The following SLC41A2 variants were observed in gnomAD, a reference collection of about 807,000 sequenced individuals.
The protein encoded by SLC41A2 is solute carrier family 41 member 2.
In SLC41A2, 32 loss-of-function variants were observed where a neutral mutation model predicts 58.3. That is an observed-to-expected ratio of 0.55 (90% CI 0.41 to 0.74). The LOEUF (loss-of-function observed/expected upper bound fraction) is 0.74. SLC41A2 is among the 30% of genes least tolerant of loss of function. The pLI, the probability that SLC41A2 is intolerant of heterozygous loss-of-function variation, is 0.00. For missense variants in SLC41A2, 514 were observed against 680.6 expected, an observed-to-expected ratio of 0.76 and a Z score of 2.72; for synonymous variants, 190 against 235.0, an observed-to-expected ratio of 0.81 and a Z score of 1.75.
intron 6 of SLC41A2, among the ~76,000 whole-genome samples, chr12:104,880,170 C>G (rs1167675275): frequency 2.0e-5 from 3 of 152,058 alleles, no homozygotes; most frequent in Non-Finnish European, 2.9e-5. Flanking sequence ...GATTTTGTAT[C>G]CTGAGACTTT....
chr12:104,877,232 G>A (rs1327640534), intron 6 of SLC41A2, among the ~76,000 whole-genome samples: 1 of 152,118 alleles, frequency 6.6e-6, no homozygotes, highest in African/African-American at 2.4e-5. Flanking sequence ...ATTTAAATGT[G>A]CCTGTTCCTA....
Position 104,813,635 on chromosome 12 carries a change from TTTTTG to T in SLC41A2, c.1537-8303_1537-8299del, listed in dbSNP as rs577064868. ...TATATCCATATAAATACAAATGGGT[TTTTTG>T]TTTTGTTTTGTTTGAGATAGAGTCT... On this transcript the variant is annotated intron_variant, in intron 10 of 10. Coordinates refer to ENST00000258538, the MANE Select transcript of SLC41A2 (RefSeq NM_001352171.3). Among the ~76,000 whole-genome samples, 462 of 152,170 alleles carry T rather than the reference TTTTTG, an allele frequency of 3.0e-3. 1 individual carries two copies. The highest frequency in any genetic ancestry group is 0.01 in the African/African-American group (431 of 41,506).
At position 104,865,655 on chromosome 12, in the gene SLC41A2, G is replaced by A. The variant is rs2043406918; in HGVS notation, c.1175+777C>T. On this transcript the variant is annotated intron_variant, in intron 7 of 10. Coordinates refer to ENST00000258538, the MANE Select transcript of SLC41A2 (RefSeq NM_001352171.3). ...CTCTTTGCTCCTCCTCTGTCTTTGTGGTTTTATAGCATTTTTATTCTTTTA... is the reference window on the plus strand; with the variant it reads ...CTCTTTGCTCCTCCTCTGTCTTTGTAGTTTTATAGCATTTTTATTCTTTTA... Among the ~76,000 whole-genome samples, 2 of 151,724 alleles carry A rather than the reference G, an allele frequency of 1.3e-5. 1 individual carries two copies. Among genetic ancestry groups the A allele is most frequent in the African/African-American group, 4.8e-5 (2 of 41,266 alleles).
At chr12:104,886,232 A>G in intron 6 of SLC41A2, 61 bp downstream of exon 6, 1 of 1,560,318 alleles carries the variant, frequency 6.4e-7, no homozygotes, top group Non-Finnish European at 8.7e-7. Flanking sequence ...GCATTGCTGC[A>G]ACAATATTTA....
intron 8 of SLC41A2, among the ~76,000 whole-genome samples, chr12:104,854,455 C>T (rs1364222404): frequency 6.6e-6 from 1 of 151,070 alleles, no homozygotes; most frequent in East Asian, 2.0e-4. Flanking sequence ...CCCAGCTACT[C>T]GGGAGGCTGA....
chr12:104,818,663 G>A (rs1300571788), intron 10 of SLC41A2, among the ~76,000 whole-genome samples: 1 of 152,140 alleles, frequency 6.6e-6, no homozygotes, highest in Non-Finnish European at 1.5e-5. Context: ...CAGATCACGA[G>A]GTCAGGAGTT....
In SLC41A2 at chr12:104,870,728, A is replaced by C. The variant is rs569682352; in HGVS notation, c.1028-4149T>G. Among the ~76,000 whole-genome samples, 9 of 152,290 alleles carry C rather than the reference A, an allele frequency of 5.9e-5. No homozygotes were observed. The South Asian group carries it at 1.2e-3, about 21-fold the overall frequency. On this transcript the variant is annotated intron_variant, in intron 6 of 10. Coordinates refer to ENST00000258538, the MANE Select transcript of SLC41A2 (RefSeq NM_001352171.3). Reference sequence around the variant, plus strand: ...TTGACGGCATTTCCCAACTGCTGTTATATCATTTCATTAATAGTGTTCATC... The same window carrying C: ...TTGACGGCATTTCCCAACTGCTGTTCTATCATTTCATTAATAGTGTTCATC...
intron 10 of SLC41A2, among the ~76,000 whole-genome samples, chr12:104,827,819 A>G (rs764109006): frequency 6.6e-6 from 1 of 152,190 alleles, no homozygotes; most frequent in Admixed American, 6.5e-5. Flanking sequence ...GTCATCGTCC[A>G]TATTCTAACG....
chr12:104,836,643 G>C (rs1252123137), intron 10 of SLC41A2, among the ~76,000 whole-genome samples: 4 of 152,134 alleles, frequency 2.6e-5, no homozygotes, highest in African/African-American at 9.7e-5. Flanking sequence ...GTAGAACCAA[G>C]GAGTCCATCT....
At position 104,915,695 on chromosome 12, in the gene SLC41A2, T is replaced by A. The variant is rs184308372; in HGVS notation, c.556-5933A>T. ...CTGATATAATGGGGTTTTCTAGATA[T>A]ACAATCATGTCATCTGCAAACAGGG... On this transcript the variant is annotated intron_variant, in intron 2 of 10. Transcript: ENST00000258538. Among the ~76,000 whole-genome samples, 3 of 152,336 alleles carry A rather than the reference T, an allele frequency of 2.0e-5. No individual in the cohort carries two copies. In the East Asian group the frequency reaches 5.8e-4, roughly 29 times the overall value.
At chr12:104,909,512 TATG>T (rs2045987858) in intron 3 of SLC41A2, 140 bp downstream of exon 3, 2 of 581,762 alleles carry the variant, frequency 3.4e-6, no homozygotes, top group East Asian at 6.7e-5. Flanking sequence ...TATTTCAGAA[TATG>T]ATATCAGGCA....
chr12:104,867,863 ATATT>A (rs929053981), intron 6 of SLC41A2, among the ~76,000 whole-genome samples: 2 of 150,006 alleles, frequency 1.3e-5, no homozygotes, highest in African/African-American at 2.4e-5. Flanking sequence ...GCTTCTTAAG[ATATT>A]TAAAGATCTT....
At chr12:104,935,759 A>G (rs1350693952) in intron 1 of SLC41A2, among the ~76,000 whole-genome samples, 1 of 152,178 alleles carries the variant, frequency 6.6e-6, no homozygotes, top group Non-Finnish European at 1.5e-5. Flanking sequence ...TCCTATTGCC[A>G]GCCCAGGTGC....
chr12:104,856,692 T>C (rs1241480254), intron 8 of SLC41A2, among the ~76,000 whole-genome samples: 1 of 152,166 alleles, frequency 6.6e-6, no homozygotes, highest in Non-Finnish European at 1.5e-5. Flanking sequence ...AGGGCACAGG[T>C]CAACTAGTCA....
intron 3 of SLC41A2, among the ~76,000 whole-genome samples, chr12:104,907,273 T>C (rs1270234464): frequency 1.3e-5 from 2 of 152,038 alleles, no homozygotes; most frequent in East Asian, 3.9e-4. Flanking sequence ...TCGAGATTCA[T>C]TGTATACTTT....
intron 2 of SLC41A2, among the ~76,000 whole-genome samples, chr12:104,927,259 A>G (rs745664094): frequency 6.6e-6 from 1 of 152,194 alleles, no homozygotes; most frequent in Admixed American, 6.5e-5. Context: ...CTATGAAAAC[A>G]TTACTATATG....
chr12:104,827,118 C>T (rs1178154001), intron 10 of SLC41A2, among the ~76,000 whole-genome samples: 1 of 152,182 alleles, frequency 6.6e-6, no homozygotes, highest in African/African-American at 2.4e-5. Context: ...TGATGAGAAT[C>T]CCACTGCCTT....
At chr12:104,926,318 C>T (rs191724316) in intron 2 of SLC41A2, among the ~76,000 whole-genome samples, 39 of 152,198 alleles carry the variant, frequency 2.6e-4, no homozygotes, top group Admixed American at 2.5e-3. Flanking sequence ...ACCTACAAAT[C>T]GGCTAGACAT....
chr12:104,942,524 T>C (rs1451147539), intron 1 of SLC41A2, among the ~76,000 whole-genome samples: 1 of 151,602 alleles, frequency 6.6e-6, no homozygotes, highest in Non-Finnish European at 1.5e-5. Context: ...CTGCAAATGA[T>C]TTCAGAGAAC....
Sources: allele counts gnomAD v4.1 joint callset (sites outside exome capture counted in the v4.1 genomes callset), GRCh38; gene constraint gnomAD v4.1.1; transcripts MANE v1.5; gene names NCBI Gene and HGNC (gene_info 2026-07-23, HGNC 2026-07-21).